Variants in MOSMO observed in about 807,000 individuals in gnomAD.
MOSMO encodes modulator of smoothened.
In MOSMO, 5 loss-of-function variants were observed where a neutral mutation model predicts 18.4. The ratio of observed to expected loss-of-function variants is 0.27; its 90% CI spans 0.14 to 0.57. The LOEUF (loss-of-function observed/expected upper bound fraction) is 0.57. Ranked by LOEUF, MOSMO falls within the 20% of genes least tolerant of loss-of-function variation. The pLI, the probability that MOSMO is intolerant of heterozygous loss-of-function variation, is 0.92. For synonymous variants in MOSMO, 82 were observed against 82.3 expected, an observed-to-expected ratio of 1.00 and a Z score of 0.02; for missense variants, 138 against 211.8, an observed-to-expected ratio of 0.65 and a Z score of 2.16.
chr16:22,067,851 C>T (rs943175999), intron 1 of MOSMO, among the ~76,000 whole-genome samples: 5 of 151,630 alleles, frequency 3.3e-5, no homozygotes, highest in Non-Finnish European at 5.9e-5. Flanking sequence ...CTGCCTTCTG[C>T]CTGGACAACA....
At chr16:22,021,130 A>G (rs1396209967) in intron 1 of MOSMO, among the ~76,000 whole-genome samples, 1 of 152,200 alleles carries the variant, frequency 6.6e-6, no homozygotes, top group African/African-American at 2.4e-5. Flanking sequence ...GCAAGATGAA[A>G]TGGAAGAGGT....
Position 22,075,550 on chromosome 16 carries a change from T to A in MOSMO, c.170T>A (p.Ile57Asn), listed in dbSNP as rs1005815390. ...QTIHGRDRTC[I>N]PPRLPPEWVT... is the part of the protein sequence containing the mutation. Reference sequence around the variant, plus strand: ...ATCCATGGACGAGACCGGACGTGCATCCCTCCCCGGCTTCCCCCGGAGTGG... The same window carrying A: ...ATCCATGGACGAGACCGGACGTGCAACCCTCCCCGGCTTCCCCCGGAGTGG... The change falls in exon 2 of 3, where the codon ATC becomes AAC. Residue 57 changes from isoleucine (I) to asparagine (N), a missense_variant. Ile to Asn is a moderately radical substitution (Grantham distance 149). Coordinates refer to ENST00000542527, the MANE Select transcript of MOSMO (RefSeq NM_001164579.2). The A allele has an allele frequency of 6.5e-7, 1 of 1,537,198 alleles. No homozygotes were observed. Among genetic ancestry groups the A allele is most frequent in the Non-Finnish European group, 8.7e-7 (1 of 1,146,934 alleles).
chr16:22,056,666 G>A (rs1900544929), intron 1 of MOSMO, among the ~76,000 whole-genome samples: 1 of 151,894 alleles, frequency 6.6e-6, no homozygotes, highest in South Asian at 2.1e-4. Flanking sequence ...TTACAGGCAT[G>A]AGCCACTGTG....
chr16:22,050,803 A>G (rs1475465336), intron 1 of MOSMO, among the ~76,000 whole-genome samples: 4 of 150,974 alleles, frequency 2.6e-5, no homozygotes, highest in Admixed American at 6.6e-5. Flanking sequence ...AGGATGAGGT[A>G]GGAGGATCAC....
intron 1 of MOSMO, among the ~76,000 whole-genome samples, chr16:22,070,553 G>A (rs1900828251): frequency 6.6e-6 from 1 of 152,160 alleles, no homozygotes; most frequent in South Asian, 2.1e-4. Context: ...GTCACAGGAA[G>A]GCATACTACA....
chr16:22,079,434 T>G (rs1233064030), intron 2 of MOSMO, among the ~76,000 whole-genome samples: 2 of 152,222 alleles, frequency 1.3e-5, no homozygotes, highest in African/African-American at 4.8e-5. Flanking sequence ...AAAGCTAGCC[T>G]ATCTGTAAAT....
intron 1 of MOSMO, among the ~76,000 whole-genome samples, chr16:22,052,585 A>G (rs1363788089): frequency 2.0e-5 from 3 of 152,216 alleles, no homozygotes; most frequent in Non-Finnish European, 4.4e-5. Flanking sequence ...TAAGAAAACA[A>G]AACAGCAACA....
chr16:22,037,708 T>C (rs1900134858), intron 1 of MOSMO, among the ~76,000 whole-genome samples: 1 of 152,204 alleles, frequency 6.6e-6, no homozygotes, highest in South Asian at 2.1e-4. Context: ...GGGAAATACT[T>C]ACTTACCTTT....
At chr16:22,013,509 A>G (rs1011979004) in intron 1 of MOSMO, among the ~76,000 whole-genome samples, 1 of 152,036 alleles carries the variant, frequency 6.6e-6, no homozygotes, top group East Asian at 1.9e-4. Context: ...CAGGGGGAAA[A>G]ATTAGTGTTA....
intron 1 of MOSMO, among the ~76,000 whole-genome samples, chr16:22,071,490 C>T (rs1900850778): frequency 6.6e-6 from 1 of 152,188 alleles, no homozygotes; most frequent in African/African-American, 2.4e-5. Context: ...ACCTTATAAT[C>T]ATCCTCACTG....
chr16:22,061,328 G>A (rs1476262203), intron 1 of MOSMO, among the ~76,000 whole-genome samples: 1 of 152,194 alleles, frequency 6.6e-6, no homozygotes, highest in Non-Finnish European at 1.5e-5. Flanking sequence ...GTTATCAGAA[G>A]CCTTTTAGGA....
At chr16:22,009,188 A>C (rs1290374445) in intron 1 of MOSMO, among the ~76,000 whole-genome samples, 1 of 152,220 alleles carries the variant, frequency 6.6e-6, no homozygotes, top group African/African-American at 2.4e-5. Flanking sequence ...GGGAGCTATA[A>C]TACTACTAAT....
intron 1 of MOSMO, among the ~76,000 whole-genome samples, chr16:22,069,695 G>C (rs1159065766): frequency 6.6e-6 from 1 of 152,188 alleles, no homozygotes. Flanking sequence ...CAAAATGGTA[G>C]TTGGGGCAAA....
chr16:22,021,085 A>C (rs943722075), intron 1 of MOSMO, among the ~76,000 whole-genome samples: 3 of 152,152 alleles, frequency 2.0e-5, no homozygotes, highest in Non-Finnish European at 4.4e-5. Context: ...ATGGTGAGGA[A>C]CTTGTAATGG....
At chr16:22,092,463 C>T (rs913011388), downstream of MOSMO, 1 of 682,568 alleles carries the variant, frequency 1.5e-6, no homozygotes, top group Non-Finnish European at 2.3e-6. Context: ...TTTCCCTTTC[C>T]CTGCCCCGAG....
downstream of MOSMO, among the ~76,000 whole-genome samples, chr16:22,090,981 G>A (rs1901302125): frequency 6.6e-6 from 1 of 152,050 alleles, no homozygotes; most frequent in South Asian, 2.1e-4. Flanking sequence ...CATGTATGCA[G>A]GAAGCAAAGA....
At chr16:22,071,006 C>T (rs141176250) in intron 1 of MOSMO, among the ~76,000 whole-genome samples, 1 of 152,328 alleles carries the variant, frequency 6.6e-6, no homozygotes, top group East Asian at 1.9e-4. Flanking sequence ...AATTGGGATA[C>T]TACCCCTCGC....
intron 1 of MOSMO, among the ~76,000 whole-genome samples, chr16:22,037,461 A>G (rs1191398978): frequency 1.3e-5 from 2 of 152,138 alleles, no homozygotes; most frequent in East Asian, 3.9e-4. Context: ...TCACCAAGCA[A>G]TTCTACGGCA....
At chr16:22,031,825 A>G (rs1264879812) in intron 1 of MOSMO, among the ~76,000 whole-genome samples, 1 of 152,204 alleles carries the variant, frequency 6.6e-6, no homozygotes, top group Non-Finnish European at 1.5e-5. Context: ...AACCATGTAC[A>G]GGTTTTTGCA....
Sources: allele counts gnomAD v4.1 joint callset (sites outside exome capture counted in the v4.1 genomes callset), GRCh38; gene constraint gnomAD v4.1.1; transcripts MANE v1.5; gene names NCBI Gene and HGNC (gene_info 2026-07-23, HGNC 2026-07-21).